Variants in USP10 observed in about 807,000 individuals in gnomAD.
USP10 encodes ubiquitin carboxyl-terminal hydrolase 10.
Under a neutral mutation model 84.5 loss-of-function variants are expected in USP10, and 22 were observed. The ratio of observed to expected loss-of-function variants is 0.26; its 90% CI spans 0.19 to 0.37. USP10 has a LOEUF of 0.37. Ranked by LOEUF, USP10 falls within the 10% of genes least tolerant of loss-of-function variation. The probability of loss-of-function intolerance (pLI) is 1.00; values close to 1 mark genes in which losing one functional copy is unlikely to be tolerated. For missense variants in USP10, 1,019 were observed against 998.9 expected, an observed-to-expected ratio of 1.02 and a Z score of -0.27; for synonymous variants, 454 against 387.6, an observed-to-expected ratio of 1.17 and a Z score of -2.01.
rs562149739 is a variant in USP10 at position 84,760,400 on chromosome 16, A to C, written c.1554+125A>C. 22 of 790,006 alleles carry C rather than the reference A, an allele frequency of 2.8e-5. No homozygotes were observed. In the South Asian group the frequency reaches 2.9e-4, roughly 10 times the overall value. The allele number at this position is 790,006 out of a possible 1,614,324, so 48.9% of individuals were successfully genotyped here. ...CGCTATAAGTAGATGTAGGTTTATA[A>C]GAGTCCATTGCTTGGATGATATGGT... On this transcript the variant is annotated intron_variant, in intron 8 of 13. Transcript: ENST00000219473.
chr16:84,756,346 A>G (rs1161697142), intron 4 of USP10, among the ~76,000 whole-genome samples: 3 of 152,222 alleles, frequency 2.0e-5, no homozygotes, highest in Admixed American at 2.0e-4. Context: ...TAATCCAAGC[A>G]CTTTGGGAGA....
At chr16:84,767,047 G>GT (rs1342982179) in intron 10 of USP10, among the ~76,000 whole-genome samples, 2 of 152,050 alleles carry the variant, frequency 1.3e-5, no homozygotes, top group Non-Finnish European at 2.9e-5. Flanking sequence ...CCCCACTACT[G>GT]TATCCCTCTC....
chr16:84,738,531 G>A (rs1326793213), intron 2 of USP10, among the ~76,000 whole-genome samples: 3 of 152,116 alleles, frequency 2.0e-5, no homozygotes, highest in African/African-American at 4.8e-5. Context: ...TCTGCTCCAG[G>A]TGCCTGCCAG....
intron 11 of USP10, among the ~76,000 whole-genome samples, chr16:84,771,400 T>C (rs1297294676): frequency 6.6e-6 from 1 of 150,990 alleles, no homozygotes; most frequent in African/African-American, 2.4e-5. Flanking sequence ...GAGGCTGAGG[T>C]GGGAGAATCA....
At chr16:84,705,306 A>G (rs1034477660) in intron 1 of USP10, among the ~76,000 whole-genome samples, 10 of 150,128 alleles carry the variant, frequency 6.7e-5, no homozygotes, top group African/African-American at 2.2e-4. Context: ...ATCTTGTCTC[A>G]CTGCAACTTC....
intron 1 of USP10, among the ~76,000 whole-genome samples, chr16:84,710,486 G>A (rs984241363): frequency 2.0e-5 from 3 of 152,128 alleles, no homozygotes; most frequent in Admixed American, 2.0e-4. Flanking sequence ...TGTGAGGCAG[G>A]TAGCCCTTCA....
chr16:84,736,126 A>G (rs988752663), intron 2 of USP10, among the ~76,000 whole-genome samples: 9 of 151,638 alleles, frequency 5.9e-5, no homozygotes, highest in African/African-American at 1.9e-4. Context: ...CTTCTACAGC[A>G]CAGTTTGGCC....
At chr16:84,709,492 C>T (rs1364767915) in intron 1 of USP10, among the ~76,000 whole-genome samples, 2 of 152,058 alleles carry the variant, frequency 1.3e-5, no homozygotes, top group Non-Finnish European at 2.9e-5. Flanking sequence ...GGTGGTACAA[C>T]ATTTGACCAT....
At chr16:84,712,576 C>G (rs980735274) in intron 1 of USP10, among the ~76,000 whole-genome samples, 4 of 152,150 alleles carry the variant, frequency 2.6e-5, no homozygotes, top group Admixed American at 6.5e-5. Context: ...TATAATAGTT[C>G]TAGGCATGAA....
At chr16:84,722,155 A>G (rs1432869096) in intron 1 of USP10, among the ~76,000 whole-genome samples, 2 of 152,246 alleles carry the variant, frequency 1.3e-5, no homozygotes, top group African/African-American at 4.8e-5. Context: ...CTATAGGCTA[A>G]GAAAGTTTGC....
In USP10 at chr16:84,768,369, A is replaced by G; in HGVS notation, c.1998+11A>G. 2 of 1,568,266 alleles carry G rather than the reference A, an allele frequency of 1.3e-6. No individual in the cohort carries two copies. Among genetic ancestry groups the G allele is most frequent in the Non-Finnish European group, 1.7e-6 (2 of 1,152,680 alleles). On this transcript the variant is annotated intron_variant, in intron 11 of 13. Transcript: ENST00000219473. ...AAAACCAAACAAGAGGTATGTTCAC[A>G]CTTGATTTTGAACCTTTCTACTAAG...
intron 12 of USP10, among the ~76,000 whole-genome samples, chr16:84,773,893 A>G (rs1384801852): frequency 6.6e-6 from 1 of 152,054 alleles, no homozygotes; most frequent in African/African-American, 2.4e-5. Flanking sequence ...TTTTATTTTT[A>G]TATCTTTTCT....
chr16:84,713,897 G>A (rs9929430), intron 1 of USP10, among the ~76,000 whole-genome samples: 22,645 of 152,308 alleles, frequency 0.15, 1,799 homozygotes, highest in South Asian at 0.18. Flanking sequence ...GGCGTGTGCC[G>A]TGTCGCTGAA....
intron 1 of USP10, among the ~76,000 whole-genome samples, chr16:84,720,380 C>G (rs1024897294): frequency 1.8e-4 from 27 of 152,008 alleles, no homozygotes; most frequent in African/African-American, 6.3e-4. Context: ...TAATGAAATA[C>G]TATAGTTTTG....
At chr16:84,751,585 A>G (rs1911942106) in intron 4 of USP10, among the ~76,000 whole-genome samples, 1 of 152,180 alleles carries the variant, frequency 6.6e-6, no homozygotes, top group Non-Finnish European at 1.5e-5. Flanking sequence ...CTTCAGAAAC[A>G]TAAGTTGATC....
chr16:84,745,167 C>T lies in USP10; in HGVS notation c.686C>T (p.Pro229Leu). The T allele has an allele frequency of 1.2e-6, 2 of 1,613,396 alleles. No homozygotes were observed. The highest frequency in any genetic ancestry group is 8.5e-7 in the Non-Finnish European group (1 of 1,179,654). ...VSDIVPDSPF[P>L]GALGSDTRTA... ...GACATTGTGCCTGACAGTCCTTTCCCCGGAGCACTCGGCAGTGACACCAGG... is the reference window on the plus strand; with the variant it reads ...GACATTGTGCCTGACAGTCCTTTCCTCGGAGCACTCGGCAGTGACACCAGG... Residue 229 changes from proline to leucine, a missense_variant, in exon 4 of 14, where the codon CCC becomes CTC. This residue lies in a region of USP10 where 787 missense variants were observed against 708.8 expected (regional missense o/e 1.11). Coordinates refer to ENST00000219473, the MANE Select transcript of USP10 (RefSeq NM_005153.3).
chr16:84,744,357 C>A (rs540973751), intron 3 of USP10, among the ~76,000 whole-genome samples: 4 of 152,210 alleles, frequency 2.6e-5, no homozygotes, highest in Non-Finnish European at 5.9e-5. Context: ...ATATTACTTG[C>A]TTTTTATTAC....
At chr16:84,703,256 G>T (rs755757636) in intron 1 of USP10, among the ~76,000 whole-genome samples, 1 of 152,072 alleles carries the variant, frequency 6.6e-6, no homozygotes, top group Non-Finnish European at 1.5e-5. Context: ...ATTATTTGGG[G>T]TAATTAATTT....
intron 2 of USP10, among the ~76,000 whole-genome samples, chr16:84,739,332 C>T (rs1359364010): frequency 6.6e-6 from 1 of 151,768 alleles, no homozygotes; most frequent in African/African-American, 2.4e-5. Context: ...AGTGCAGTGG[C>T]GCGATCTCGG....
Sources: allele counts gnomAD v4.1 joint callset (sites outside exome capture counted in the v4.1 genomes callset), GRCh38; gene constraint gnomAD v4.1.1; regional missense constraint gnomAD v4.1.1; transcripts MANE v1.5; gene names NCBI Gene and HGNC (gene_info 2026-07-23, HGNC 2026-07-21).